Variants in DIAPH1 observed in about 807,000 individuals in gnomAD.
DIAPH1 encodes the protein protein diaphanous homolog 1.
Under a neutral mutation model 140.7 loss-of-function variants are expected in DIAPH1, and 46 were observed. The observed-to-expected ratio is 0.33, with a 90% CI of 0.26 to 0.42. The LOEUF (loss-of-function observed/expected upper bound fraction) is 0.42. Ranked by LOEUF, DIAPH1 falls within the 10% of genes least tolerant of loss-of-function variation. DIAPH1 has a pLI of 1.00. For synonymous variants in DIAPH1, 565 were observed against 551.6 expected, an observed-to-expected ratio of 1.02 and a Z score of -0.34; for missense variants, 1,310 against 1,558.7, an observed-to-expected ratio of 0.84 and a Z score of 2.69.
At chr5:141,536,683 G>A (rs917920767) in intron 18 of DIAPH1, among the ~76,000 whole-genome samples, 1 of 152,126 alleles carries the variant, frequency 6.6e-6, no homozygotes, top group Non-Finnish European at 1.5e-5. Context: ...AAGTGAGGGA[G>A]CAAGCCACAT....
At chr5:141,592,329 C>T (rs1364918862) in intron 1 of DIAPH1, among the ~76,000 whole-genome samples, 1 of 152,132 alleles carries the variant, frequency 6.6e-6, no homozygotes, top group East Asian at 1.9e-4. Context: ...CCTGCTGCTA[C>T]AGTATATTCA....
chr5:141,565,982 C>T lies in DIAPH1; in HGVS notation c.2482+5446G>A, dbSNP rs555815237. The stretch of plus-strand genomic sequence containing the variant: ...GAATTAACCGGGATTGTGGTTTTGC[C>T]AATCGAGTATGAAATGAGAGAGATA... On this transcript the variant is annotated intron_variant, in intron 18 of 27. Coordinates refer to ENST00000389054, the MANE Select transcript of DIAPH1 (RefSeq NM_005219.5). This position sits in a 1 kb window ranked among gnomAD's most constrained non-coding sequence, Gnocchi z 4.3. 1.3e-4 allele frequency among the ~76,000 whole-genome samples: 20 copies of T among 152,232 alleles called. No individual in the cohort carries two copies. In the South Asian group the frequency reaches 3.9e-3, roughly 30 times the overall value.
chr5:141,550,382 TTCCTCTTTCTC>T (rs1165867261), intron 18 of DIAPH1: 1 of 154,370 alleles, frequency 6.5e-6, no homozygotes, highest in Non-Finnish European at 1.5e-5. Context: ...AGCTCACCTC[TTCCTCTTTCTC>T]TCATGTCCTA....
Position 141,573,856 on chromosome 5 carries a change from G to A in DIAPH1, c.1994C>T (p.Ser665Leu), listed in dbSNP as rs1222672240. 6.5e-7 allele frequency: 1 copy of A among 1,532,948 alleles called. No homozygotes were observed. The highest frequency in any genetic ancestry group is 1.3e-5 in the South Asian group (1 of 78,516). 95.0% of individuals were successfully genotyped at this position (1,532,948 alleles called of 1,614,324 possible). Residue 665 changes from serine to leucine, a missense_variant, in exon 16 of 28, where the codon TCA becomes TTA. Transcript: ENST00000389054. ...AGTACCTCCAGGCAAAGAAGAGGGT[G>A]AAGGGATGCCAACACCCTCAGGCAA... is the stretch of plus-strand genomic sequence containing the variant. ...PPLPEGVGIPSPSSLPGGTAI... is the reference protein window; with the variant it reads ...PPLPEGVGIPLPSSLPGGTAI...
rs759891919 is a variant in DIAPH1, at chr5:141,573,864, G to A, written c.1986C>T (p.Gly662=). The A allele has an allele frequency of 3.3e-6, 5 of 1,532,714 alleles. No individual in the cohort carries two copies. Among genetic ancestry groups the A allele is most frequent in the Non-Finnish European group, 3.5e-6 (4 of 1,138,120 alleles). The allele number at this position is 1,532,714 out of a possible 1,614,324, so 94.9% of individuals were successfully genotyped here. ...CAGGCAAAGAAGAGGGTGAAGGGAT[G>A]CCAACACCCTCAGGCAAAGGAGGGG... ...PPPPPLPEGV[G]IPSPSSLPGG... is the part of the protein sequence containing the mutation. The change falls in exon 16 of 28, where the codon GGC becomes GGT. Residue 662 remains glycine, a synonymous_variant. Transcript: ENST00000389054.
chr5:141,541,458 C>T (rs934414175), intron 18 of DIAPH1, among the ~76,000 whole-genome samples: 1 of 152,024 alleles, frequency 6.6e-6, no homozygotes, highest in Non-Finnish European at 1.5e-5. Context: ...GAGGCCAAGG[C>T]AGGTTGATCA....
intron 18 of DIAPH1, among the ~76,000 whole-genome samples, chr5:141,561,073 G>A (rs1174685388): frequency 6.6e-6 from 1 of 151,726 alleles, no homozygotes; most frequent in Non-Finnish European, 1.5e-5. Context: ...CGCACCCCGT[G>A]GCCGAAAAGA....
intron 18 of DIAPH1, among the ~76,000 whole-genome samples, chr5:141,539,012 C>T (rs1403029606): frequency 2.0e-5 from 3 of 151,578 alleles, no homozygotes; most frequent in Admixed American, 2.0e-4. Context: ...TGGTGGCTCA[C>T]GCCTGTAATC....
intron 10 of DIAPH1, 46 bp downstream of exon 10, chr5:141,578,469 C>A: frequency 6.4e-7 from 1 of 1,559,216 alleles, no homozygotes; most frequent in East Asian, 2.2e-5. Flanking sequence ...GGCTGTAGAG[C>A]AAGAAGGAAC....
At chr5:141,600,313 A>G (rs1263569065) in intron 1 of DIAPH1, among the ~76,000 whole-genome samples, 3 of 152,242 alleles carry the variant, frequency 2.0e-5, no homozygotes, top group African/African-American at 7.2e-5. Context: ...CAGAGCCTCC[A>G]GGTGAGAACT....
intron 1 of DIAPH1, among the ~76,000 whole-genome samples, chr5:141,615,501 G>A (rs1456925383): frequency 6.6e-6 from 1 of 151,846 alleles, no homozygotes; most frequent in Non-Finnish European, 1.5e-5. Flanking sequence ...CAGCACTTTG[G>A]GAGGCCGAGG....
Position 141,521,575 on chromosome 5 carries a change from G to A in DIAPH1, c.3661+2568C>T, listed in dbSNP as rs190024259. 4.1e-3 allele frequency among the ~76,000 whole-genome samples: 624 copies of A among 152,282 alleles called. 7 individuals carry two copies. Among genetic ancestry groups the A allele is most frequent in the South Asian group, 0.027 (129 of 4,830 alleles). On this transcript the variant is annotated intron_variant, in intron 27 of 27. Coordinates refer to ENST00000389054, the MANE Select transcript of DIAPH1 (RefSeq NM_005219.5). ...TCCCCCAGGTCTCCAGAGACCGGAA[G>A]AATTTAACATTCCTTTAAATTCTAG... is the stretch of plus-strand genomic sequence containing the variant.
intron 18 of DIAPH1, among the ~76,000 whole-genome samples, chr5:141,571,178 C>G (rs1159237217): frequency 6.6e-6 from 1 of 152,182 alleles, no homozygotes; most frequent in African/African-American, 2.4e-5. Context: ...TACGTTGTCC[C>G]TCACCTTCTA....
intron 1 of DIAPH1, among the ~76,000 whole-genome samples, chr5:141,605,897 G>GT (rs1366244121): frequency 6.6e-6 from 1 of 152,144 alleles, no homozygotes; most frequent in African/African-American, 2.4e-5. Context: ...CTAGAAGTAA[G>GT]TAACGAACAG....
In DIAPH1 at chr5:141,571,549, A is replaced by C. The variant is rs935355359; in HGVS notation, c.2474-113T>G. 8 of 922,144 alleles carry C rather than the reference A, an allele frequency of 8.7e-6. No individual in the cohort carries two copies. The African/African-American group carries it at 1.0e-4, about 12-fold the overall frequency. The allele number at this position is 922,144 out of a possible 1,614,324, so 57.1% of individuals were successfully genotyped here. A position where few individuals can be genotyped will look rare whatever the true frequency, so the allele number is the denominator to read the frequency against. The stretch of plus-strand genomic sequence containing the variant: ...ACTGTAGACAGTCACTCAGTCACCC[A>C]AACTGTTAAAGACTCTTTCCAACCC... On this transcript the variant is annotated intron_variant, in intron 17 of 27. Coordinates refer to ENST00000389054, the MANE Select transcript of DIAPH1 (RefSeq NM_005219.5).
intron 19 of DIAPH1, among the ~76,000 whole-genome samples, chr5:141,531,820 T>G (rs1296234868): frequency 1.3e-5 from 2 of 152,124 alleles, no homozygotes; most frequent in African/African-American, 4.8e-5. Flanking sequence ...TCTCCCTCTC[T>G]TATTCTCATC....
intron 26 of DIAPH1, 103 bp downstream of exon 26, chr5:141,525,935 G>C: frequency 6.3e-7 from 1 of 1,578,548 alleles, no homozygotes; most frequent in Non-Finnish European, 8.6e-7. Context: ...AAAATCATTT[G>C]CCAGGAGGTG....
rs184281269 is a variant in DIAPH1, at chr5:141,524,578, T to C, written c.3575-349A>G. ...GTAGAGACTACGATTGTGAAATTACTAAGCAACTATATCACTCCCTTTTAT... is the reference window on the plus strand; with the variant it reads ...GTAGAGACTACGATTGTGAAATTACCAAGCAACTATATCACTCCCTTTTAT... On this transcript the variant is annotated intron_variant, in intron 26 of 27. Transcript: ENST00000389054. 170 of 370,130 alleles carry C rather than the reference T, an allele frequency of 4.6e-4. 3 individuals carry two copies. The highest frequency in any genetic ancestry group is 1.2e-3 in the Admixed American group (32 of 26,256). 22.9% of individuals were successfully genotyped at this position (370,130 alleles called of 1,614,324 possible).
Position 141,571,947 on chromosome 5 carries a change from T to A in DIAPH1, c.2452A>T (p.Thr818Ser). ...TCACTCTTGGTCTGGGCAGAGAAGG[T>A]AAGGGTAAGTTTGGCGAAAAGTTCA... ...NNELFAKLTL[T>S]FSAQTKTSKA... Residue 818 changes from threonine (T) to serine (S), a missense_variant, in exon 17 of 28, where the codon ACC becomes TCC. Thr to Ser is a moderately conservative substitution (Grantham distance 58). Around this residue, in one of 3 missense-constraint regions of DIAPH1, gnomAD observed 589 missense variants for 549.3 expected, o/e 1.07. Coordinates refer to ENST00000389054, the MANE Select transcript of DIAPH1 (RefSeq NM_005219.5). 1 of 1,613,812 alleles carries A rather than the reference T, an allele frequency of 6.2e-7. No homozygotes were observed. The highest frequency in any genetic ancestry group is 8.5e-7 in the Non-Finnish European group (1 of 1,179,766).
Sources: gnomAD v4.1 joint callset for allele counts (sites outside exome capture counted in the v4.1 genomes callset) on GRCh38, gnomAD v4.1.1 for gene constraint, gnomAD v4.1.1 regional missense constraint, Gnocchi (gnomAD v3.1) non-coding constraint, MANE v1.5 for transcripts, NCBI Gene and HGNC (gene_info 2026-07-23, HGNC 2026-07-21) for gene names.